The following UBE2E2 variants were observed in gnomAD, a reference collection of about 807,000 sequenced individuals.
UBE2E2 encodes the protein ubiquitin conjugating enzyme E2 E2.
A neutral mutation model predicts 24.7 loss-of-function variants in UBE2E2; 6 were observed. That is an observed-to-expected ratio of 0.24 (90% CI 0.13 to 0.48). The LOEUF is 0.48. Ranked by LOEUF, UBE2E2 falls within the 20% of genes least tolerant of loss-of-function variation. UBE2E2 has a pLI of 0.99. For missense variants in UBE2E2, 169 were observed against 245.0 expected (o/e 0.69, Z 2.07); for synonymous variants, 104 against 83.6 (o/e 1.24, Z -1.33).
At chr3:23,404,265 CT>C (rs1361053216) in intron 3 of UBE2E2, among the ~76,000 whole-genome samples, 7 of 152,214 alleles carry the variant, frequency 4.6e-5, no homozygotes, top group African/African-American at 1.7e-4. Context: ...TGAACATTGG[CT>C]TTTTATATGA....
At chr3:23,322,906 G>A (rs1186186405) in intron 3 of UBE2E2, among the ~76,000 whole-genome samples, 3 of 151,580 alleles carry the variant, frequency 2.0e-5, no homozygotes, top group Admixed American at 6.6e-5. Context: ...AGAGTCCTAA[G>A]GATTATATAT....
intron 3 of UBE2E2, among the ~76,000 whole-genome samples, chr3:23,441,798 A>G (rs1698312307): frequency 6.6e-6 from 1 of 151,820 alleles, no homozygotes; most frequent in Non-Finnish European, 1.5e-5. Context: ...ATTATGAGCT[A>G]ACTATTTTAA....
At chr3:23,572,343 A>G (rs1482063095) in intron 5 of UBE2E2, among the ~76,000 whole-genome samples, 4 of 152,190 alleles carry the variant, frequency 2.6e-5, no homozygotes, top group Non-Finnish European at 1.5e-5. Context: ...GAGGAATTCC[A>G]GTGTTTCTAA....
intron 3 of UBE2E2, among the ~76,000 whole-genome samples, chr3:23,303,882 G>A (rs1017868173): frequency 2.6e-5 from 4 of 152,104 alleles, no homozygotes; most frequent in South Asian, 2.1e-4. Flanking sequence ...GAATTATACC[G>A]TTAACCCTGC....
At chr3:23,485,078 C>A (rs1699333493) in intron 3 of UBE2E2, among the ~76,000 whole-genome samples, 1 of 150,226 alleles carries the variant, frequency 6.7e-6, no homozygotes, top group Non-Finnish European at 1.5e-5. Context: ...TAAGTGAGTC[C>A]ACTTAACACT....
intron 3 of UBE2E2, among the ~76,000 whole-genome samples, chr3:23,419,775 G>T (rs1697749216): frequency 6.6e-6 from 1 of 152,144 alleles, no homozygotes; most frequent in Non-Finnish European, 1.5e-5. Flanking sequence ...ATGAATGAAT[G>T]AGTCTTTGGT....
chr3:23,512,487 C>T (rs1450015811), intron 4 of UBE2E2, among the ~76,000 whole-genome samples: 1 of 101,180 alleles, frequency 9.9e-6, no homozygotes, highest in Admixed American at 8.5e-5. Context: ...AGTCCTCCTG[C>T]CTTGGCCTCC....
intron 3 of UBE2E2, among the ~76,000 whole-genome samples, chr3:23,308,947 C>G (rs1699306103): frequency 6.6e-6 from 1 of 152,158 alleles, no homozygotes. Flanking sequence ...AACCTGGAGT[C>G]TGATGTCCAA....
At chr3:23,523,870 A>G (rs77374953) in intron 4 of UBE2E2, among the ~76,000 whole-genome samples, 2,239 of 150,606 alleles carry the variant, frequency 0.015, 42 homozygotes, top group African/African-American at 0.051. Flanking sequence ...AATAAACTGT[A>G]GTTTCATAGT....
intron 3 of UBE2E2, among the ~76,000 whole-genome samples, chr3:23,473,164 C>T (rs77326826): frequency 0.013 from 1,920 of 151,932 alleles, 60 homozygotes; most frequent in African/African-American, 0.043. Context: ...TGCCTTTCCC[C>T]CACTCTATCA....
rs181278348 is a variant in UBE2E2, at chr3:23,292,074, G to A, written c.227+74762G>A. Among the ~76,000 whole-genome samples the A allele has an allele frequency of 9.2e-5, 14 of 152,026 alleles. No individual in the cohort carries two copies. In the East Asian group the frequency reaches 2.7e-3, roughly 30 times the overall value. On this transcript the variant is annotated intron_variant, in intron 3 of 5. Coordinates refer to ENST00000396703, the MANE Select transcript of UBE2E2 (RefSeq NM_152653.4). ...GGGGTTTCACCGTGTTAACCAGGAT[G>A]GTCTTGATCTCCTGACCTCGTGATT...
intron 3 of UBE2E2, among the ~76,000 whole-genome samples, chr3:23,258,818 G>A (rs34474308): frequency 0.074 from 11,162 of 150,210 alleles, 533 homozygotes; most frequent in Non-Finnish European, 0.092. Context: ...GCGTGAACCC[G>A]GGAGGCGGAG....
At chr3:23,290,250 A>T (rs941158770) in intron 3 of UBE2E2, among the ~76,000 whole-genome samples, 1 of 152,214 alleles carries the variant, frequency 6.6e-6, no homozygotes. Flanking sequence ...AAAGCAAGTG[A>T]GGGGGCACTT....
chr3:23,529,222 G>T (rs781360652), intron 4 of UBE2E2, among the ~76,000 whole-genome samples: 10 of 152,084 alleles, frequency 6.6e-5, no homozygotes, highest in Non-Finnish European at 1.2e-4. Context: ...TTGACTGGTG[G>T]TATTCACACA....
At chr3:23,221,569 G>A (rs1039639332) in intron 3 of UBE2E2, among the ~76,000 whole-genome samples, 3 of 151,914 alleles carry the variant, frequency 2.0e-5, no homozygotes, top group Middle Eastern at 3.2e-3. Flanking sequence ...TTTTGTGTCT[G>A]GCTTTTAAAA....
chr3:23,501,912 A>G (rs59034251), intron 4 of UBE2E2, among the ~76,000 whole-genome samples: 4,546 of 149,884 alleles, frequency 0.03, 109 homozygotes, highest in East Asian at 0.13. Context: ...CTCTAAGGAG[A>G]AAAAAAAAAG....
chr3:23,554,834 G>A (rs1192723899), intron 5 of UBE2E2, among the ~76,000 whole-genome samples: 1 of 151,776 alleles, frequency 6.6e-6, no homozygotes, highest in Non-Finnish European at 1.5e-5. Flanking sequence ...CTGATAAGGG[G>A]TTAATACCCA....
intron 3 of UBE2E2, among the ~76,000 whole-genome samples, chr3:23,390,736 C>T (rs942662623): frequency 2.0e-5 from 3 of 152,318 alleles, no homozygotes; most frequent in East Asian, 1.9e-4. Flanking sequence ...CTCCCTCTCC[C>T]ACAAGGGGTT....
At chr3:23,547,157 AC>A (rs1210351731) in intron 5 of UBE2E2, among the ~76,000 whole-genome samples, 1 of 152,180 alleles carries the variant, frequency 6.6e-6, no homozygotes, top group African/African-American at 2.4e-5. Context: ...GGGTTTATTT[AC>A]AGCTTCTCTC....
Sources: allele counts gnomAD v4.1 joint callset (sites outside exome capture counted in the v4.1 genomes callset), GRCh38; gene constraint gnomAD v4.1.1; transcripts MANE v1.5; gene names NCBI Gene and HGNC (gene_info 2026-07-23, HGNC 2026-07-21).